The following PRKG1 variants were observed in gnomAD, a reference collection of about 807,000 sequenced individuals.
PRKG1 encodes cGMP-dependent protein kinase 1.
PRKG1 carries 35 observed loss-of-function variants against 88.1 expected under a neutral mutation model. The ratio of observed to expected loss-of-function variants is 0.40; its 90% CI spans 0.30 to 0.53. The LOEUF is 0.53. PRKG1 is among the 20% of genes least tolerant of loss of function. PRKG1 has a pLI of 0.59. For synonymous variants in PRKG1, 303 were observed against 292.5 expected (o/e 1.04, Z -0.37); for missense variants, 540 against 839.8 (o/e 0.64, Z 4.41).
intron 12 of PRKG1, among the ~76,000 whole-genome samples, chr10:52,275,160 C>T (rs543962883): frequency 5.3e-5 from 8 of 152,150 alleles, no homozygotes; most frequent in Admixed American, 2.0e-4. Flanking sequence ...CTGTTCCTTT[C>T]GCCATGCAAA....
Position 51,171,399 on chromosome 10 carries a change from G to A in PRKG1, c.478+18069G>A, listed in dbSNP as rs1200189245. On this transcript the variant is annotated intron_variant, in intron 2 of 17. Transcript: ENST00000373980. ...GTGCAATATCCTGGAAGTGAATGGA[G>A]GAGGCTGGTGGAGCAGCTGTACCTC... is the stretch of plus-strand genomic sequence containing the variant. 2.0e-5 allele frequency among the ~76,000 whole-genome samples: 3 copies of A among 152,208 alleles called. No homozygotes were observed. The East Asian group carries it at 5.8e-4, about 29-fold the overall frequency.
intron 3 of PRKG1, among the ~76,000 whole-genome samples, chr10:51,474,911 C>T (rs1373731977): frequency 6.6e-6 from 1 of 151,866 alleles, no homozygotes; most frequent in African/African-American, 2.4e-5. Context: ...TCTAAGTCAT[C>T]ATGATAATAA....
At chr10:51,699,757 C>G (rs775867049) in intron 3 of PRKG1, among the ~76,000 whole-genome samples, 11 of 152,226 alleles carry the variant, frequency 7.2e-5, no homozygotes, top group Non-Finnish European at 1.5e-4. Context: ...ATGGTTCTGT[C>G]AGCTTCTTAT....
At chr10:51,079,824 G>A (rs2131848077) in intron 1 of PRKG1, among the ~76,000 whole-genome samples, 1 of 152,248 alleles carries the variant, frequency 6.6e-6, no homozygotes. Context: ...AACTAGGTAA[G>A]AGTAGTTAAT....
intron 10 of PRKG1, among the ~76,000 whole-genome samples, chr10:52,266,214 T>C (rs1198339995): frequency 6.6e-6 from 1 of 151,774 alleles, no homozygotes; most frequent in Non-Finnish European, 1.5e-5. Context: ...ATTATTATTG[T>C]AAACTTTTTT....
chr10:51,100,460 C>T (rs1844650983), intron 1 of PRKG1, among the ~76,000 whole-genome samples: 1 of 152,178 alleles, frequency 6.6e-6, no homozygotes, highest in Non-Finnish European at 1.5e-5. Context: ...GAATTGCCTG[C>T]ATTTTTCAGT....
intron 5 of PRKG1, among the ~76,000 whole-genome samples, chr10:51,969,304 T>C (rs1450877889): frequency 1.3e-5 from 2 of 152,172 alleles, no homozygotes; most frequent in African/African-American, 4.8e-5. Context: ...ATCATCATCA[T>C]GCCTCATAAC....
intron 2 of PRKG1, among the ~76,000 whole-genome samples, chr10:51,467,209 G>A (rs555187641): frequency 1.1e-4 from 17 of 152,022 alleles, no homozygotes; most frequent in Admixed American, 7.9e-4. Context: ...TGCAGAGCTA[G>A]GAAGCAGATA....
In PRKG1 at chr10:52,293,860, C is replaced by T; in HGVS notation, c.2021C>T (p.Pro674Leu). 3 of 1,613,016 alleles carry T rather than the reference C, an allele frequency of 1.9e-6. No individual in the cohort carries two copies. The highest frequency in any genetic ancestry group is 2.5e-6 in the Non-Finnish European group (3 of 1,179,232). The change falls in exon 18 of 18, where the codon CCA becomes CTA. Residue 674 changes from proline to leucine, a missense_variant. Pro to Leu is a moderately conservative substitution (Grantham distance 98). Transcript: ENST00000373980. ...FDSFPEDNDEPPPDDNSGWDI... is the reference protein window; with the variant it reads ...FDSFPEDNDELPPDDNSGWDI... ...AGTTTCCCTGAGGACAACGATGAAC[C>T]ACCACCTGATGACAACTCAGGATGG...
intron 4 of PRKG1, among the ~76,000 whole-genome samples, chr10:51,866,504 C>T (rs1841018706): frequency 6.6e-6 from 1 of 152,020 alleles, no homozygotes; most frequent in South Asian, 2.1e-4. Flanking sequence ...TTAAAGCTTT[C>T]TGTAATAGAA....
intron 2 of PRKG1, among the ~76,000 whole-genome samples, chr10:51,349,121 G>A (rs529408131): frequency 6.6e-6 from 1 of 152,280 alleles, no homozygotes; most frequent in African/African-American, 2.4e-5. Context: ...ATTCGATGAG[G>A]AGTCTCAGAC....
At chr10:51,290,491 G>A (rs7069756) in intron 2 of PRKG1, among the ~76,000 whole-genome samples, 73,385 of 151,842 alleles carry the variant, frequency 0.48, 19,784 homozygotes, top group African/African-American at 0.73. Flanking sequence ...TTTTTGTAAT[G>A]GTCTGACTTC....
At position 51,567,029 on chromosome 10, in the gene PRKG1, C is replaced by T. The variant is rs189339783; in HGVS notation, c.592+99193C>T. Among the ~76,000 whole-genome samples, 91 of 151,768 alleles carry T rather than the reference C, an allele frequency of 6.0e-4. No individual in the cohort carries two copies. The East Asian group carries it at 0.016, about 27-fold the overall frequency. Reference sequence around the variant, plus strand: ...AATTGTGATTACTTCACAATGTGTACATATATCACAACACTAAGTTGTTCA... The same window carrying T: ...AATTGTGATTACTTCACAATGTGTATATATATCACAACACTAAGTTGTTCA... On this transcript the variant is annotated intron_variant, in intron 3 of 17. Transcript: ENST00000373980.
chr10:51,860,922 A>AC (rs2132834337), intron 4 of PRKG1, among the ~76,000 whole-genome samples: 1 of 152,320 alleles, frequency 6.6e-6, no homozygotes, highest in East Asian at 1.9e-4. Flanking sequence ...ATTTCAAAGA[A>AC]CCAAAGTGAT....
chr10:51,807,222 T>C (rs1012775130), intron 4 of PRKG1, among the ~76,000 whole-genome samples: 3 of 152,182 alleles, frequency 2.0e-5, no homozygotes, highest in Admixed American at 6.5e-5. Flanking sequence ...TCAGCACTCA[T>C]TGAAGAATGA....
intron 3 of PRKG1, among the ~76,000 whole-genome samples, chr10:51,512,096 T>G (rs1841428456): frequency 6.6e-6 from 1 of 151,450 alleles, no homozygotes; most frequent in South Asian, 2.1e-4. Flanking sequence ...GTAGTCAGAA[T>G]AGGAGTTATT....
rs530332258 is a variant in PRKG1 at position 51,240,315 on chromosome 10, G to GT, written c.478+86991dup. Among the ~76,000 whole-genome samples the GT allele has an allele frequency of 3.9e-5, 6 of 152,228 alleles. No homozygotes were observed. The South Asian group carries it at 1.2e-3, about 32-fold the overall frequency. ...TCTATTTTCCTCTCAGCATTTCTAT[G>GT]TTTTTTATAGACATACCTTTGTTTG... On this transcript the variant is annotated intron_variant, in intron 2 of 17. Coordinates refer to ENST00000373980, the MANE Select transcript of PRKG1 (RefSeq NM_006258.4).
chr10:52,128,174 G>A (rs1437700084), intron 7 of PRKG1: 3 of 985,176 alleles, frequency 3.0e-6, no homozygotes, highest in East Asian at 1.1e-4. Context: ...CTCTGACCCC[G>A]GGATTGCTGT....
chr10:51,913,797 C>T (rs1263442628), intron 5 of PRKG1, among the ~76,000 whole-genome samples: 1 of 152,074 alleles, frequency 6.6e-6, no homozygotes, highest in African/African-American at 2.4e-5. Flanking sequence ...TATTTTAGGA[C>T]TCAGATTTAT....
Sources: allele counts gnomAD v4.1 joint callset (sites outside exome capture counted in the v4.1 genomes callset), GRCh38; gene constraint gnomAD v4.1.1; transcripts MANE v1.5; gene names NCBI Gene and HGNC (gene_info 2026-07-23, HGNC 2026-07-21).